The following ZFYVE9 variants were observed in gnomAD, a reference collection of about 807,000 sequenced individuals.
The protein encoded by ZFYVE9 is zinc finger FYVE-type containing 9.
A neutral mutation model predicts 126.7 loss-of-function variants in ZFYVE9; 43 were observed. That is an observed-to-expected ratio of 0.34 (90% confidence interval 0.27 to 0.44). The LOEUF is 0.44. Ranked by LOEUF, ZFYVE9 falls within the 20% of genes least tolerant of loss-of-function variation. The pLI is 1.00. For missense variants in ZFYVE9, 1,476 were observed against 1,697.0 expected (o/e 0.87, Z 2.29); for synonymous variants, 521 against 597.4 (o/e 0.87, Z 1.87).
chr1:52,248,460 C>T (rs1557479699), intron 4 of ZFYVE9, among the ~76,000 whole-genome samples: 1 of 152,168 alleles, frequency 6.6e-6, no homozygotes, highest in Non-Finnish European at 1.5e-5. Context: ...CTTCTTCTCC[C>T]AGTCCACTGA....
At position 52,259,963 on chromosome 1, in the gene ZFYVE9, T is replaced by C. The variant is rs557172412; in HGVS notation, c.2179-3810T>C. On this transcript the variant is annotated intron_variant, in intron 4 of 18. Transcript: ENST00000287727. ...GCAGTTTAATTAGCTGTTACACTAC[T>C]GATGAACACTTGGGTTGTTTACAAC... Among the ~76,000 whole-genome samples, 6 of 152,266 alleles carry C rather than the reference T, an allele frequency of 3.9e-5. No individual in the cohort carries two copies. In the South Asian group the frequency reaches 1.2e-3, roughly 32 times the overall value.
At chr1:52,188,147 T>C (rs1644781664) in intron 1 of ZFYVE9, among the ~76,000 whole-genome samples, 2 of 152,180 alleles carry the variant, frequency 1.3e-5, no homozygotes, top group South Asian at 4.1e-4. Context: ...TATGGCGCCA[T>C]ACAAAAGAAT....
intron 1 of ZFYVE9, among the ~76,000 whole-genome samples, chr1:52,207,576 A>G (rs539776112): frequency 2.5e-4 from 38 of 152,272 alleles, no homozygotes; most frequent in African/African-American, 8.4e-4. Context: ...AGCTTATTTC[A>G]TTTCTTTTTT....
Position 52,327,603 on chromosome 1 carries a change from GA to G in ZFYVE9, c.3439-5154del, listed in dbSNP as rs762364474. ...GAGCGACAGAGGGAGACTTGTCTCA[GA>G]AAAAAAAAAAGTCTTCATGCTGAAA... On this transcript the variant is annotated intron_variant, in intron 13 of 18. Coordinates refer to ENST00000287727, the MANE Select transcript of ZFYVE9 (RefSeq NM_004799.4). 2.3e-3 allele frequency among the ~76,000 whole-genome samples: 326 copies of G among 144,262 alleles called. 7 individuals carry two copies. In the East Asian group the frequency reaches 0.055, roughly 24 times the overall value. The allele number at this position is 144,262 out of a possible 152,430, so 94.6% of individuals were successfully genotyped here.
chr1:52,148,947 A>ATTTTTTTTTTTTT (rs56300233), intron 1 of ZFYVE9, among the ~76,000 whole-genome samples: 3 of 34,218 alleles, frequency 8.8e-5, no homozygotes, highest in Non-Finnish European at 1.2e-4. Context: ...CCTTAACATG[A>ATTTTTTTTTTTTT]TTTTTTTTTT....
intron 4 of ZFYVE9, among the ~76,000 whole-genome samples, chr1:52,258,802 C>T (rs546237146): frequency 9.9e-5 from 15 of 152,180 alleles, no homozygotes; most frequent in African/African-American, 2.6e-4. Context: ...CGTAAAGGAT[C>T]TCTCTATACT....
At chr1:52,327,979 G>GAA (rs1196600729) in intron 13 of ZFYVE9, among the ~76,000 whole-genome samples, 4 of 128,022 alleles carry the variant, frequency 3.1e-5, no homozygotes, top group African/African-American at 5.6e-5. Context: ...GTCTCAAAAA[G>GAA]AAAAAAAAAA....
At chr1:52,252,871 G>A (rs1446117235) in intron 4 of ZFYVE9, 5 of 216,816 alleles carry the variant, frequency 2.3e-5, no homozygotes, top group South Asian at 5.9e-5. Flanking sequence ...CACAGGCACC[G>A]ATGGCAAGCA....
chr1:52,247,998 A>T (rs1645407878), intron 4 of ZFYVE9, among the ~76,000 whole-genome samples: 1 of 152,126 alleles, frequency 6.6e-6, no homozygotes, highest in Non-Finnish European at 1.5e-5. Context: ...AACCAATAGG[A>T]TGTGGAGATA....
At chr1:52,266,231 G>A (rs1300965206) in intron 5 of ZFYVE9, among the ~76,000 whole-genome samples, 1 of 151,702 alleles carries the variant, frequency 6.6e-6, no homozygotes, top group African/African-American at 2.4e-5. Flanking sequence ...CCAAGTAGCT[G>A]GGACTACAGG....
At chr1:52,210,768 C>T (rs1345301672) in intron 1 of ZFYVE9, among the ~76,000 whole-genome samples, 1 of 152,144 alleles carries the variant, frequency 6.6e-6, no homozygotes, top group Non-Finnish European at 1.5e-5. Flanking sequence ...GATTCTCATG[C>T]CTCAGCCTCC....
chr1:52,267,915 C>T (rs1291886115), intron 6 of ZFYVE9, among the ~76,000 whole-genome samples: 1 of 152,194 alleles, frequency 6.6e-6, no homozygotes, highest in Non-Finnish European at 1.5e-5. Context: ...AGTTACACTT[C>T]AGGCAAAGAT....
rs562674270 is a variant in ZFYVE9 at position 52,170,760 on chromosome 1, A to G, written c.-143+28357A>G. Among the ~76,000 whole-genome samples the G allele has an allele frequency of 2.0e-5, 3 of 152,182 alleles. No individual in the cohort carries two copies. The East Asian group carries it at 5.8e-4, about 29-fold the overall frequency. On this transcript the variant is annotated intron_variant, in intron 1 of 18. Coordinates refer to ENST00000287727, the MANE Select transcript of ZFYVE9 (RefSeq NM_004799.4). ...TATTGTTTAATTTCCATGTGTTTGTATAGTTTCCAAAATTCCTCATTATTG... is the reference window on the plus strand; with the variant it reads ...TATTGTTTAATTTCCATGTGTTTGTGTAGTTTCCAAAATTCCTCATTATTG...
At chr1:52,270,172 A>G (rs1439166155) in intron 7 of ZFYVE9, among the ~76,000 whole-genome samples, 1 of 152,154 alleles carries the variant, frequency 6.6e-6, no homozygotes, top group Non-Finnish European at 1.5e-5. Context: ...TTCTTATACA[A>G]CCACAATGCA....
intron 1 of ZFYVE9, chr1:52,162,235 A>G (rs1285501748): frequency 1.1e-4 from 29 of 275,984 alleles, no homozygotes; most frequent in African/African-American, 6.0e-4. Context: ...TGTATCGACT[A>G]TAATAAGGAG....
At chr1:52,219,749 T>TTGTG (rs56340178) in intron 2 of ZFYVE9, among the ~76,000 whole-genome samples, 7,662 of 113,208 alleles carry the variant, frequency 0.068, 290 homozygotes, top group East Asian at 0.076. Context: ...CCAAGATCTT[T>TTGTG]TGTGTGTGTG....
intron 2 of ZFYVE9, among the ~76,000 whole-genome samples, chr1:52,219,747 TTTTGTGTG>T (rs1407723725): frequency 8.0e-6 from 1 of 124,844 alleles, no homozygotes; most frequent in Non-Finnish European, 1.7e-5. Context: ...GGCCAAGATC[TTTTGTGTG>T]TGTGTGTGTG....
At chr1:52,147,374 C>G (rs1317920499) in intron 1 of ZFYVE9, among the ~76,000 whole-genome samples, 1 of 152,176 alleles carries the variant, frequency 6.6e-6, no homozygotes, top group East Asian at 1.9e-4. Context: ...CAAAGAGAAA[C>G]TTGTACCCAT....
At chr1:52,178,543 C>G (rs552478897) in intron 1 of ZFYVE9, among the ~76,000 whole-genome samples, 1 of 151,956 alleles carries the variant, frequency 6.6e-6, no homozygotes, top group Non-Finnish European at 1.5e-5. Context: ...ATTAGACAGG[C>G]TGGTCTTGAA....
Sources: allele counts gnomAD v4.1 joint callset (sites outside exome capture counted in the v4.1 genomes callset), GRCh38; gene constraint gnomAD v4.1.1; transcripts MANE v1.5; gene names NCBI Gene and HGNC (gene_info 2026-07-23, HGNC 2026-07-21).